The following SLC31A1 variants were observed in gnomAD, a reference collection of about 807,000 sequenced individuals.
SLC31A1 encodes the protein high affinity copper uptake protein 1.
Under a neutral mutation model 17.2 loss-of-function variants are expected in SLC31A1, and 5 were observed. That is an observed-to-expected ratio of 0.29 (90% CI 0.15 to 0.61). SLC31A1 has a LOEUF of 0.61. Ranked by LOEUF, SLC31A1 falls within the 20% of genes least tolerant of loss-of-function variation. SLC31A1 has a pLI of 0.86. For synonymous variants in SLC31A1, 76 were observed against 78.8 expected, an observed-to-expected ratio of 0.96 and a Z score of 0.19; for missense variants, 161 against 241.4, an observed-to-expected ratio of 0.67 and a Z score of 2.21.
intron 2 of SLC31A1, 80 bp from the exon 3 acceptor site, chr9:113,257,033 A>G (rs1345039454): frequency 7.1e-6 from 8 of 1,134,054 alleles, no homozygotes; most frequent in Non-Finnish European, 1.1e-5. Flanking sequence ...CTACTTTTAA[A>G]TGTTCTAAGC....
Position 113,260,623 on chromosome 9 carries a change from C to T in SLC31A1, c.*150C>T. The T allele has an allele frequency of 1.5e-6, 1 of 688,372 alleles. No individual in the cohort carries two copies. The highest frequency in any genetic ancestry group is 2.8e-5 in the East Asian group (1 of 36,144). The allele number at this position is 688,372 out of a possible 1,614,324, so 42.6% of individuals were successfully genotyped here. A position where few individuals can be genotyped will look rare whatever the true frequency, so the allele number is the denominator to read the frequency against. ...CACACACACACACACCCCTGCTCAA[C>T]AGAGGTTTAGTTTACAGTCTCTGAA... On this transcript the variant is annotated 3_prime_UTR_variant, in exon 5 of 5. Transcript: ENST00000374212.
intron 1 of SLC31A1, among the ~76,000 whole-genome samples, chr9:113,232,367 G>A (rs1831410516): frequency 6.6e-6 from 1 of 152,002 alleles, no homozygotes; most frequent in Non-Finnish European, 1.5e-5. Context: ...CAGAAAACAG[G>A]GAGAAAGAAG....
intron 2 of SLC31A1, among the ~76,000 whole-genome samples, chr9:113,256,712 T>G (rs979916648): frequency 9.2e-5 from 14 of 152,006 alleles, no homozygotes; most frequent in African/African-American, 3.4e-4. Context: ...ATACAAAAAA[T>G]TAGCTGGGCA....
intron 2 of SLC31A1, chr9:113,256,489 T>C (rs1831729917): frequency 2.0e-6 from 1 of 497,552 alleles, no homozygotes; most frequent in Non-Finnish European, 3.6e-6. Flanking sequence ...TAGGCTTCTT[T>C]CTTTGGTGGT....
At position 113,260,748 on chromosome 9, in the gene SLC31A1, T is replaced by A. The variant is rs1199792686; in HGVS notation, c.*275T>A. On this transcript the variant is annotated 3_prime_UTR_variant, in exon 5 of 5. Transcript: ENST00000374212. Reference sequence around the variant, plus strand: ...TGAGATGTCTTTTCCTTCTCCATCATCTTAGAGCCAAGTTATATGTTCTTG... The same window carrying A: ...TGAGATGTCTTTTCCTTCTCCATCAACTTAGAGCCAAGTTATATGTTCTTG... The A allele has an allele frequency of 2.1e-6, 1 of 473,838 alleles. No individual in the cohort carries two copies. 29.4% of individuals were successfully genotyped at this position (473,838 alleles called of 1,614,324 possible). A position where few individuals can be genotyped will look rare whatever the true frequency, so the allele number is the denominator to read the frequency against.
In SLC31A1 at chr9:113,262,039, A is replaced by G. The variant is rs1831799216; in HGVS notation, c.*1566A>G. On this transcript the variant is annotated 3_prime_UTR_variant, in exon 5 of 5. Transcript: ENST00000374212. ...ATGAAATCACTAGTCCTTATTTTTA[A>G]AGGTCTATGGTTTCTTGGAAGTAGT... is the stretch of plus-strand genomic sequence containing the variant. 1.3e-5 allele frequency: 2 copies of G among 152,590 alleles called. No homozygotes were observed. The highest frequency in any genetic ancestry group is 4.1e-4 in the South Asian group (2 of 4,830). The allele number at this position is 152,590 out of a possible 1,614,324, so 9.5% of individuals were successfully genotyped here. A position where few individuals can be genotyped will look rare whatever the true frequency, so the allele number is the denominator to read the frequency against.
At position 113,258,697 on chromosome 9, in the gene SLC31A1, T is replaced by C. The variant is rs767205620; in HGVS notation, c.206T>C (p.Met69Thr). The change falls in exon 4 of 5, where the codon ATG becomes ACG. Residue 69 changes from methionine (M) to threonine (T), a missense_variant. By Grantham distance (81) the Met-to-Thr change is moderately conservative. Coordinates refer to ENST00000374212, the MANE Select transcript of SLC31A1 (RefSeq NM_001859.4). The surrounding 1 kb of genome is among the most constrained non-coding windows in gnomAD (Gnocchi z 4.8). ...CATATTTTCCTTCCATACTTAGAAA[T>C]GGCTGGAGCTTTTGTGGCAGTGTTT... is the stretch of plus-strand genomic sequence containing the variant. ...SGLVINTAGE[M>T]AGAFVAVFLL... The C allele has an allele frequency of 1.9e-6, 3 of 1,614,174 alleles. No individual in the cohort carries two copies. Among genetic ancestry groups the C allele is most frequent in the Admixed American group, 3.3e-5 (2 of 60,026 alleles).
chr9:113,262,984 A>T lies in SLC31A1; in HGVS notation c.*2511A>T, dbSNP rs753459884. 2 of 152,276 alleles carry T rather than the reference A, an allele frequency of 1.3e-5. No individual in the cohort carries two copies. Among genetic ancestry groups the T allele is most frequent in the Non-Finnish European group, 2.9e-5 (2 of 68,084 alleles). The allele number at this position is 152,276 out of a possible 1,614,324, so 9.4% of individuals were successfully genotyped here. ...AGACCAGCCTGGACAACATAGTGAG[A>T]TCCTATCTCTATAAAAAATCAAAAA... On this transcript the variant is annotated 3_prime_UTR_variant, in exon 5 of 5. Transcript: ENST00000374212.
rs1371734465 is a variant in SLC31A1 at position 113,221,557 on chromosome 9, CG to C, written c.-155del. The C allele has an allele frequency of 2.2e-6, 1 of 444,876 alleles. No homozygotes were observed. Among genetic ancestry groups the C allele is most frequent in the Non-Finnish European group, 4.2e-6 (1 of 238,574 alleles). The allele number at this position is 444,876 out of a possible 1,614,324, so 27.6% of individuals were successfully genotyped here. A position where few individuals can be genotyped will look rare whatever the true frequency, so the allele number is the denominator to read the frequency against. On this transcript the variant is annotated 5_prime_UTR_variant, in exon 1 of 5. Coordinates refer to ENST00000374212, the MANE Select transcript of SLC31A1 (RefSeq NM_001859.4). ...GGAGGGGGCGGGAAATCCTCGGCCT[CG>C]GTGGCGGTGGTGGACACGTCGAGCC...
chr9:113,222,788 C>T lies in SLC31A1; in HGVS notation c.-36+1110C>T, dbSNP rs532755291. On this transcript the variant is annotated intron_variant, in intron 1 of 4. Transcript: ENST00000374212. Reference sequence around the variant, plus strand: ...ACTAGCACTAGAACTGTTGCAGTAGCTCTGTTTAGTGTGTGAACTTGGCTA... The same window carrying T: ...ACTAGCACTAGAACTGTTGCAGTAGTTCTGTTTAGTGTGTGAACTTGGCTA... Among the ~76,000 whole-genome samples the T allele has an allele frequency of 6.1e-4, 93 of 152,302 alleles. 1 individual carries two copies. The highest frequency in any genetic ancestry group is 2.1e-3 in the African/African-American group (88 of 41,556).
Position 113,238,895 on chromosome 9 carries a change from G to T in SLC31A1, c.-36+17217G>T, listed in dbSNP as rs138771684. Reference sequence around the variant, plus strand: ...GTTGAAGGTGTATAGTATAGATTATGTAGTCTATTAAACACTTGCTGTGTG... The same window carrying T: ...GTTGAAGGTGTATAGTATAGATTATTTAGTCTATTAAACACTTGCTGTGTG... On this transcript the variant is annotated intron_variant, in intron 1 of 4. Coordinates refer to ENST00000374212, the MANE Select transcript of SLC31A1 (RefSeq NM_001859.4). 6.0e-3 allele frequency among the ~76,000 whole-genome samples: 917 copies of T among 152,358 alleles called. 4 individuals are homozygous for T. Among genetic ancestry groups the T allele is most frequent in the Non-Finnish European group, 9.8e-3 (669 of 68,032 alleles).
At position 113,253,958 on chromosome 9, in the gene SLC31A1, C is replaced by CTTTTTTT. The variant is rs397967653; in HGVS notation, c.-35-2143_-35-2137dup. On this transcript the variant is annotated intron_variant, in intron 1 of 4. Coordinates refer to ENST00000374212, the MANE Select transcript of SLC31A1 (RefSeq NM_001859.4). The stretch of plus-strand genomic sequence containing the variant: ...TCTATATAAATTTCCTACCCACAGT[C>CTTTTTTT]TTTTTTTTTTTTTTTTTTTGAGATA... Among the ~76,000 whole-genome samples, 391 of 110,360 alleles carry CTTTTTTT rather than the reference C, an allele frequency of 3.5e-3. 7 individuals are homozygous for CTTTTTTT. Among genetic ancestry groups the CTTTTTTT allele is most frequent in the African/African-American group, 4.1e-3 (116 of 28,280 alleles). The allele number at this position is 110,360 out of a possible 152,430, so 72.4% of individuals were successfully genotyped here.
chr9:113,259,838 G>A (rs189442946), intron 4 of SLC31A1, among the ~76,000 whole-genome samples: 6 of 151,910 alleles, frequency 3.9e-5, no homozygotes, highest in Admixed American at 2.6e-4. Context: ...AGCCCACCTC[G>A]GCCTCCCAAA....
intron 1 of SLC31A1, among the ~76,000 whole-genome samples, chr9:113,251,149 A>C (rs1831647706): frequency 6.6e-6 from 1 of 152,194 alleles, no homozygotes; most frequent in Non-Finnish European, 1.5e-5. Context: ...TTGGCCTGGC[A>C]TGGTGGTTCA....
intron 1 of SLC31A1, among the ~76,000 whole-genome samples, chr9:113,244,295 T>C (rs1831554158): frequency 6.6e-6 from 1 of 152,132 alleles, no homozygotes; most frequent in East Asian, 1.9e-4. Context: ...CACTTAAAAG[T>C]TTTAAGTGTA....
intron 1 of SLC31A1, among the ~76,000 whole-genome samples, chr9:113,241,019 C>T (rs1831515943): frequency 7.0e-6 from 1 of 143,732 alleles, no homozygotes; most frequent in Non-Finnish European, 1.5e-5. Context: ...CACTGTACTC[C>T]AGTCAGGGCG....
chr9:113,262,995 A>G lies in SLC31A1; in HGVS notation c.*2522A>G, dbSNP rs1327772242. The G allele has an allele frequency of 6.6e-6, 1 of 152,260 alleles. No homozygotes were observed. Among genetic ancestry groups the G allele is most frequent in the Non-Finnish European group, 1.5e-5 (1 of 68,078 alleles). The allele number at this position is 152,260 out of a possible 1,614,324, so 9.4% of individuals were successfully genotyped here. On this transcript the variant is annotated 3_prime_UTR_variant, in exon 5 of 5. Transcript: ENST00000374212. ...GACAACATAGTGAGATCCTATCTCT[A>G]TAAAAAATCAAAAATTAGCCAGGCA...
chr9:113,246,126 C>T (rs1420497046), intron 1 of SLC31A1, among the ~76,000 whole-genome samples: 5 of 152,150 alleles, frequency 3.3e-5, no homozygotes, highest in Admixed American at 2.6e-4. Flanking sequence ...TCACCACTCA[C>T]TGCAGCCATG....
intron 1 of SLC31A1, among the ~76,000 whole-genome samples, chr9:113,252,941 CTTTTCTTT>C (rs1431841859): frequency 3.5e-4 from 45 of 128,760 alleles, no homozygotes; most frequent in Non-Finnish European, 6.0e-4. Context: ...AAAGTCTTTT[CTTTTCTTT>C]TTTTCTTTTT....
Sources: gnomAD v4.1 joint callset for allele counts (sites outside exome capture counted in the v4.1 genomes callset) on GRCh38, gnomAD v4.1.1 for gene constraint, Gnocchi (gnomAD v3.1) non-coding constraint, MANE v1.5 for transcripts, NCBI Gene and HGNC (gene_info 2026-07-23, HGNC 2026-07-21) for gene names.